NRG3: variants seen among roughly 807,000 people sequenced by gnomAD.
NRG3 encodes neuregulin 3, also known as pro-neuregulin-3, membrane-bound isoform.
A neutral mutation model predicts 66.9 loss-of-function variants in NRG3; 31 were observed. That is an observed-to-expected ratio of 0.46 (90% CI 0.35 to 0.63). The LOEUF (loss-of-function observed/expected upper bound fraction) is 0.63. Among genes scored for constraint, NRG3 ranks in the 20% least tolerant of loss-of-function variants. The pLI is 0.00. For synonymous variants in NRG3, 393 were observed against 359.4 expected (o/e 1.09, Z -1.06); for missense variants, 910 against 878.9 (o/e 1.04, Z -0.45).
intron 2 of NRG3, among the ~76,000 whole-genome samples, chr10:82,658,864 T>C (rs1222550397): frequency 6.6e-6 from 1 of 152,234 alleles, no homozygotes; most frequent in African/African-American, 2.4e-5. Flanking sequence ...GGATACTTTT[T>C]TCAATCATTT....
chr10:82,186,129 AC>A (rs770801990), intron 1 of NRG3, among the ~76,000 whole-genome samples: 2 of 152,330 alleles, frequency 1.3e-5, no homozygotes, highest in Non-Finnish European at 2.9e-5. Context: ...TTGCTTAAAA[AC>A]AAGATTTTTT....
At chr10:82,072,808 C>T (rs2064882324) in intron 1 of NRG3, among the ~76,000 whole-genome samples, 1 of 151,382 alleles carries the variant, frequency 6.6e-6, no homozygotes, top group Non-Finnish European at 1.5e-5. Context: ...GCTCCATGGC[C>T]CAAGCTGGAG....
intron 4 of NRG3, among the ~76,000 whole-genome samples, chr10:82,944,629 C>T (rs1434190419): frequency 1.3e-5 from 2 of 152,158 alleles, no homozygotes; most frequent in Non-Finnish European, 2.9e-5. Flanking sequence ...AAAATGTCAA[C>T]CCAAGCCTGC....
At chr10:82,710,701 TTTTTA>T (rs545721231) in intron 2 of NRG3, among the ~76,000 whole-genome samples, 21 of 151,912 alleles carry the variant, frequency 1.4e-4, no homozygotes, top group South Asian at 4.1e-4. Flanking sequence ...TCATTTTTTA[TTTTTA>T]TTTTATTTTA....
chr10:82,569,720 C>G (rs1048077728), intron 2 of NRG3, among the ~76,000 whole-genome samples: 1 of 151,692 alleles, frequency 6.6e-6, no homozygotes. Context: ...CTACTCTACA[C>G]TCTTTGCTAG....
At chr10:82,929,875 C>CAAAA (rs560959914) in intron 4 of NRG3, among the ~76,000 whole-genome samples, 3 of 79,500 alleles carry the variant, frequency 3.8e-5, no homozygotes, top group Non-Finnish European at 8.4e-5. Context: ...GACTCCATCT[C>CAAAA]AAAAAAAAAA....
intron 1 of NRG3, among the ~76,000 whole-genome samples, chr10:82,249,792 G>T (rs750261937): frequency 6.6e-6 from 1 of 152,064 alleles, no homozygotes. Context: ...ACATTCTTTC[G>T]TCTTTTCAAA....
chr10:82,262,750 C>T (rs1017241128), intron 1 of NRG3, among the ~76,000 whole-genome samples: 6 of 152,134 alleles, frequency 3.9e-5, no homozygotes, highest in Admixed American at 1.3e-4. Context: ...GACTGCTAGG[C>T]GCAGTGTGCC....
At chr10:81,906,314 G>A (rs1010972586) in intron 1 of NRG3, among the ~76,000 whole-genome samples, 6 of 152,116 alleles carry the variant, frequency 3.9e-5, no homozygotes, top group South Asian at 2.1e-4. Context: ...CCAAATGTTC[G>A]TTTCCCAGAT....
intron 1 of NRG3, among the ~76,000 whole-genome samples, chr10:82,041,551 C>A (rs1234811065): frequency 6.6e-6 from 1 of 151,990 alleles, no homozygotes; most frequent in Non-Finnish European, 1.5e-5. Flanking sequence ...GACTTTGTCT[C>A]ATTTGTAAGC....
At chr10:81,890,825 C>G (rs1255986302) in intron 1 of NRG3, among the ~76,000 whole-genome samples, 2 of 152,142 alleles carry the variant, frequency 1.3e-5, no homozygotes, top group East Asian at 1.9e-4. Flanking sequence ...TCTATGCAAG[C>G]AAGCCATTGA....
intron 2 of NRG3, among the ~76,000 whole-genome samples, chr10:82,479,723 G>T (rs180988486): frequency 0.036 from 5,330 of 147,504 alleles, 105 homozygotes; most frequent in Non-Finnish European, 0.047. Context: ...ATCCCAGCAC[G>T]TTGGGAGGCC....
At chr10:82,920,892 A>C (rs1846361001) in intron 4 of NRG3, among the ~76,000 whole-genome samples, 1 of 152,146 alleles carries the variant, frequency 6.6e-6, no homozygotes, top group African/African-American at 2.4e-5. Flanking sequence ...TGATTCCATA[A>C]GTAAATAAAC....
At chr10:82,402,901 C>G (rs1374261945) in intron 2 of NRG3, among the ~76,000 whole-genome samples, 2 of 152,070 alleles carry the variant, frequency 1.3e-5, no homozygotes, top group Non-Finnish European at 2.9e-5. Context: ...TTGATTTTGA[C>G]AGAAATGACA....
At chr10:82,791,910 C>G (rs2060603920) in intron 3 of NRG3, among the ~76,000 whole-genome samples, 1 of 152,154 alleles carries the variant, frequency 6.6e-6, no homozygotes, top group Non-Finnish European at 1.5e-5. Context: ...CTGAAGATCT[C>G]CAAACTCTAC....
chr10:82,837,144 G>A (rs1210180878), intron 3 of NRG3, among the ~76,000 whole-genome samples: 1 of 152,168 alleles, frequency 6.6e-6, no homozygotes, highest in African/African-American at 2.4e-5. Context: ...GTCTATCGTT[G>A]TTGGACATTT....
intron 1 of NRG3, among the ~76,000 whole-genome samples, chr10:82,234,414 G>A (rs1356934199): frequency 3.3e-5 from 5 of 152,106 alleles, no homozygotes; most frequent in East Asian, 1.9e-4. Context: ...TCACAGTTGC[G>A]ATTACATTTA....
chr10:82,002,718 G>C (rs1472528677), intron 1 of NRG3, among the ~76,000 whole-genome samples: 1 of 152,192 alleles, frequency 6.6e-6, no homozygotes, highest in Non-Finnish European at 1.5e-5. Flanking sequence ...ACAAATAGCT[G>C]TCATACAAAT....
At chr10:82,825,670 A>C (rs923218418) in intron 3 of NRG3, among the ~76,000 whole-genome samples, 2 of 152,206 alleles carry the variant, frequency 1.3e-5, no homozygotes, top group African/African-American at 4.8e-5. Context: ...GTAGAGTTCA[A>C]AGCACAGGCA....
Sources: allele counts gnomAD v4.1 joint callset (sites outside exome capture counted in the v4.1 genomes callset), GRCh38; gene constraint gnomAD v4.1.1; transcripts MANE v1.5; gene names NCBI Gene and HGNC (gene_info 2026-07-23, HGNC 2026-07-21).